The following SLC45A4 variants were observed in gnomAD, a reference collection of about 807,000 sequenced individuals.
SLC45A4 encodes the protein polyamine-transporter SLC45A4.
In SLC45A4, 32 loss-of-function variants were observed where a neutral mutation model predicts 63.7. The observed-to-expected ratio is 0.50, with a 90% CI of 0.38 to 0.67. The LOEUF is 0.67. Among genes scored for constraint, SLC45A4 ranks in the 30% least tolerant of loss-of-function variants. The probability of loss-of-function intolerance (pLI) is 0.00; values close to 1 mark genes in which losing one functional copy is unlikely to be tolerated. For missense variants in SLC45A4, 1,027 were observed against 1,157.7 expected, an observed-to-expected ratio of 0.89 and a Z score of 1.64; for synonymous variants, 535 against 510.0, an observed-to-expected ratio of 1.05 and a Z score of -0.66.
intron 1 of SLC45A4, among the ~76,000 whole-genome samples, chr8:141,277,659 A>G (rs1381871365): frequency 6.7e-6 from 1 of 149,116 alleles, no homozygotes; most frequent in African/African-American, 2.5e-5. Context: ...TTTTTTTTTG[A>G]GATGGAGTCT....
intron 1 of SLC45A4, among the ~76,000 whole-genome samples, chr8:141,259,035 G>A (rs1828936515): frequency 6.6e-6 from 1 of 152,188 alleles, no homozygotes. Context: ...ACAGAGTGGT[G>A]CAGGAGCGCT....
intron 2 of SLC45A4, among the ~76,000 whole-genome samples, chr8:141,242,792 C>T (rs1026421365): frequency 3.9e-5 from 6 of 152,128 alleles, no homozygotes; most frequent in Non-Finnish European, 7.4e-5. Context: ...CTGGAGGCCA[C>T]ACGTTGGGGG....
chr8:141,245,629 C>T (rs1399881444), intron 2 of SLC45A4, among the ~76,000 whole-genome samples: 1 of 152,102 alleles, frequency 6.6e-6, no homozygotes, highest in East Asian at 1.9e-4. Flanking sequence ...CAGACAACTC[C>T]CAACCTGCCG....
Position 141,218,990 on chromosome 8 carries a change from T to TCCAGC in SLC45A4, c.645_649dup (p.Asp217GlyfsTer164). On this transcript the variant is annotated frameshift_variant, in exon 5 of 9. Coordinates refer to ENST00000517878, the MANE Select transcript of SLC45A4 (RefSeq NM_001286646.2). LOFTEE classifies it high-confidence loss of function. Reference sequence around the variant, plus strand: ...GCTGCCCAGGAAGGTCTGGGTCCAGTCCAGCCCACCCAGCACGTAGCCGAT... The same window carrying TCCAGC: ...GCTGCCCAGGAAGGTCTGGGTCCAGTCCAGCCCAGCCCACCCAGCACGTAGCCGAT... 3 of 1,613,120 alleles carry TCCAGC rather than the reference T, an allele frequency of 1.9e-6. No individual in the cohort carries two copies. The highest frequency in any genetic ancestry group is 2.5e-6 in the Non-Finnish European group (3 of 1,179,830).
Position 141,254,656 on chromosome 8 carries a change from AG to A in SLC45A4, c.-400-28del, listed in dbSNP as rs1569558849. On this transcript the variant is annotated intron_variant, in intron 1 of 8. Coordinates refer to ENST00000517878, the MANE Select transcript of SLC45A4 (RefSeq NM_001286646.2). This position sits in a 1 kb window ranked among gnomAD's most constrained non-coding sequence, Gnocchi z 4.5. ...TGCAAAAGAGGAAAACAACCCGGCC[AG>A]AGAGTCAGGGGACGGCCACCAGATG... 8 of 697,396 alleles carry A rather than the reference AG, an allele frequency of 1.1e-5. No homozygotes were observed. Among genetic ancestry groups the A allele is most frequent in the Non-Finnish European group, 2.1e-5 (8 of 382,126 alleles). The allele number at this position is 697,396 out of a possible 1,614,324, so 43.2% of individuals were successfully genotyped here.
At position 141,227,748 on chromosome 8, in the gene SLC45A4, T is replaced by G. The variant is rs945034317; in HGVS notation, c.242-5983A>C. On this transcript the variant is annotated intron_variant, in intron 2 of 8. Transcript: ENST00000517878. The surrounding 1 kb of genome is among the most constrained non-coding windows in gnomAD (Gnocchi z 4.4). ...CAGAACCACTACAGCCACAGGAAGA[T>G]AGGGAGGGGGTGAAAAGAGGGGCAA... 1.4e-4 allele frequency among the ~76,000 whole-genome samples: 22 copies of G among 152,008 alleles called. No individual in the cohort carries two copies. Among genetic ancestry groups the G allele is most frequent in the Non-Finnish European group, 3.1e-4 (21 of 67,992 alleles).
intron 7 of SLC45A4, 57 bp from the exon 8 acceptor site, chr8:141,212,613 G>C: frequency 6.6e-7 from 1 of 1,518,554 alleles, no homozygotes; most frequent in Admixed American, 2.0e-5. Context: ...TGCTACCCGT[G>C]CTTCACAACT....
At chr8:141,259,705 G>C (rs1198166488) in intron 1 of SLC45A4, among the ~76,000 whole-genome samples, 1 of 152,140 alleles carries the variant, frequency 6.6e-6, no homozygotes, top group African/African-American at 2.4e-5. Context: ...CAAGCAGTGA[G>C]AGAAGCCCCC....
chr8:141,287,032 C>T (rs1158162413), intron 1 of SLC45A4, among the ~76,000 whole-genome samples: 1 of 152,096 alleles, frequency 6.6e-6, no homozygotes, highest in Non-Finnish European at 1.5e-5. Context: ...CGACCAAGCA[C>T]CGTGTGACCT....
chr8:141,302,745 C>T (rs1830787499), intron 1 of SLC45A4, among the ~76,000 whole-genome samples: 1 of 152,200 alleles, frequency 6.6e-6, no homozygotes, highest in African/African-American at 2.4e-5. Flanking sequence ...AAAGCTGCCT[C>T]TACGATACTC....
intron 2 of SLC45A4, 62 bp from the exon 3 acceptor site, chr8:141,221,827 C>A: frequency 6.4e-7 from 1 of 1,569,902 alleles, no homozygotes. Context: ...CACAGTTTTC[C>A]TGGGAGCCCC....
At chr8:141,295,762 T>C (rs1830525212) in intron 1 of SLC45A4, among the ~76,000 whole-genome samples, 1 of 152,214 alleles carries the variant, frequency 6.6e-6, no homozygotes, top group East Asian at 1.9e-4. Context: ...AAGGTTACCC[T>C]GGTTGAGTGA....
intron 1 of SLC45A4, among the ~76,000 whole-genome samples, chr8:141,294,290 G>C (rs1303447355): frequency 6.6e-6 from 1 of 152,240 alleles, no homozygotes; most frequent in Non-Finnish European, 1.5e-5. Context: ...GCAGGTCTCA[G>C]TCAACGCCTG....
chr8:141,261,048 C>T (rs1829022542), intron 1 of SLC45A4, among the ~76,000 whole-genome samples: 1 of 152,202 alleles, frequency 6.6e-6, no homozygotes, highest in Non-Finnish European at 1.5e-5. Flanking sequence ...GGCTTCATCC[C>T]TGAGATGCAA....
At chr8:141,235,920 G>A (rs1397977141) in intron 2 of SLC45A4, among the ~76,000 whole-genome samples, 8 of 152,136 alleles carry the variant, frequency 5.3e-5, no homozygotes, top group African/African-American at 1.9e-4. Context: ...TGGCCAACAT[G>A]GTGAAACCCC....
chr8:141,219,385 G>A (rs1826435774), intron 4 of SLC45A4, among the ~76,000 whole-genome samples: 1 of 152,174 alleles, frequency 6.6e-6, no homozygotes, highest in South Asian at 2.1e-4. Context: ...GCAGGGCTGG[G>A]AGGTTCACTG....
At chr8:141,299,251 G>A (rs1830665379) in intron 1 of SLC45A4, among the ~76,000 whole-genome samples, 1 of 152,210 alleles carries the variant, frequency 6.6e-6, no homozygotes. Flanking sequence ...CCCACAACGA[G>A]GACGCCAGGC....
At chr8:141,264,040 G>A (rs1829158541) in intron 1 of SLC45A4, among the ~76,000 whole-genome samples, 1 of 152,176 alleles carries the variant, frequency 6.6e-6, no homozygotes, top group Admixed American at 6.5e-5. Flanking sequence ...CAAGGCTGAA[G>A]GACAGGTTCC....
At chr8:141,294,911 A>T (rs1374831018) in intron 1 of SLC45A4, among the ~76,000 whole-genome samples, 1 of 152,210 alleles carries the variant, frequency 6.6e-6, no homozygotes. Flanking sequence ...CCCAAGTGGC[A>T]GCCTCAGCTC....
Sources: allele counts gnomAD v4.1 joint callset (sites outside exome capture counted in the v4.1 genomes callset), GRCh38; gene constraint gnomAD v4.1.1; non-coding constraint Gnocchi (gnomAD v3.1); transcripts MANE v1.5; gene names NCBI Gene and HGNC (gene_info 2026-07-23, HGNC 2026-07-21).